The following P2RY14 variants were observed in gnomAD, a reference collection of about 807,000 sequenced individuals.
P2RY14 encodes the protein purinergic receptor P2Y14.
A neutral mutation model predicts 0.9 loss-of-function variants in P2RY14; 2 were observed. The observed-to-expected ratio is 2.16, with a 90% CI of 0.88 to 6.79. The LOEUF (loss-of-function observed/expected upper bound fraction) is 6.79. Ranked by LOEUF, P2RY14 falls within the 30% of genes most tolerant of loss-of-function variation. The pLI, the probability that P2RY14 is intolerant of heterozygous loss-of-function variation, is 0.05. For missense variants in P2RY14, 378 were observed against 400.1 expected (o/e 0.94, Z 0.47); for synonymous variants, 158 against 147.2 (o/e 1.07, Z -0.53).
At chr3:151,233,870 A>G (rs1402552138) in intron 1 of P2RY14, among the ~76,000 whole-genome samples, 1 of 152,172 alleles carries the variant, frequency 6.6e-6, no homozygotes, top group African/African-American at 2.4e-5. Context: ...TGTGTTTTTT[A>G]TTTCCTCCCT....
intron 1 of P2RY14, among the ~76,000 whole-genome samples, chr3:151,231,524 A>G (rs1241388462): frequency 6.6e-6 from 1 of 152,228 alleles, no homozygotes; most frequent in Non-Finnish European, 1.5e-5. Flanking sequence ...AAAAATCTTC[A>G]ATGAGCAATC....
chr3:151,257,056 T>C (rs1331052857), intron 1 of P2RY14, among the ~76,000 whole-genome samples: 4 of 152,224 alleles, frequency 2.6e-5, no homozygotes. Context: ...ACGATACAGC[T>C]GCTTCTGAGA....
chr3:151,260,728 C>T (rs547060223), intron 1 of P2RY14, among the ~76,000 whole-genome samples: 1 of 152,232 alleles, frequency 6.6e-6, no homozygotes, highest in African/African-American at 2.4e-5. Flanking sequence ...GATCACTTTT[C>T]TGAGGTTTGT....
chr3:151,224,135 AT>A (rs11287215), intron 1 of P2RY14, among the ~76,000 whole-genome samples: 47,146 of 152,146 alleles, frequency 0.31, 7,392 homozygotes, highest in Non-Finnish European at 0.33. Context: ...AGAAATATCT[AT>A]GGAGAATGGA....
intron 1 of P2RY14, among the ~76,000 whole-genome samples, chr3:151,226,037 A>G (rs1577030532): frequency 6.6e-6 from 1 of 152,154 alleles, no homozygotes; most frequent in South Asian, 2.1e-4. Context: ...GCCATGCCCT[A>G]TGGAAACACA....
chr3:151,246,443 A>G (rs946029352), intron 1 of P2RY14, among the ~76,000 whole-genome samples: 6 of 152,058 alleles, frequency 3.9e-5, no homozygotes, highest in Non-Finnish European at 5.9e-5. Flanking sequence ...ATGGAACAGA[A>G]CAGAGCCCTC....
intron 1 of P2RY14, among the ~76,000 whole-genome samples, chr3:151,243,665 C>G (rs984931024): frequency 6.6e-6 from 1 of 151,776 alleles, no homozygotes; most frequent in Non-Finnish European, 1.5e-5. Context: ...CAAAATCATG[C>G]CAAAATGTAA....
chr3:151,253,370 G>A (rs573330127), intron 1 of P2RY14, among the ~76,000 whole-genome samples: 1 of 152,356 alleles, frequency 6.6e-6, no homozygotes, highest in African/African-American at 2.4e-5. Flanking sequence ...TGGAGCAACA[G>A]CAGCATAAGA....
At chr3:151,246,551 G>C (rs1577105628) in intron 1 of P2RY14, among the ~76,000 whole-genome samples, 1 of 152,132 alleles carries the variant, frequency 6.6e-6, no homozygotes, top group African/African-American at 2.4e-5. Context: ...ATGGTGCTGG[G>C]AAAACTGGCT....
intron 1 of P2RY14, among the ~76,000 whole-genome samples, chr3:151,219,897 C>T (rs1004173435): frequency 7.3e-6 from 1 of 136,604 alleles, no homozygotes; most frequent in South Asian, 2.8e-4. Context: ...TATTACCCCC[C>T]CCCCCCCCTT....
rs1326480707 is a variant in P2RY14 at position 151,212,404 on chromosome 3, G to T, written c.*896C>A. On this transcript the variant is annotated 3_prime_UTR_variant, in exon 3 of 3. Coordinates refer to ENST00000309170, the MANE Select transcript of P2RY14 (RefSeq NM_014879.4). ...TAAATTTTAGATTTAAAAAAATCAA[G>T]TTTATTTGCTTTCTAAGAAAATGGT... 6.6e-6 allele frequency: 1 copy of T among 152,060 alleles called. No homozygotes were observed. Among genetic ancestry groups the T allele is most frequent in the Non-Finnish European group, 1.5e-5 (1 of 67,996 alleles). 9.4% of individuals were successfully genotyped at this position (152,060 alleles called of 1,614,324 possible).
At chr3:151,263,757 C>G (rs941488646) in intron 1 of P2RY14, among the ~76,000 whole-genome samples, 1 of 106,926 alleles carries the variant, frequency 9.4e-6, no homozygotes, top group Non-Finnish European at 1.9e-5. Context: ...CCTGGATTCC[C>G]GTACCACCCC....
chr3:151,213,753 G>A lies in P2RY14; in HGVS notation c.564C>T (p.Asn188=). 1 of 1,614,148 alleles carries A rather than the reference G, an allele frequency of 6.2e-7. No individual in the cohort carries two copies. The highest frequency in any genetic ancestry group is 1.1e-5 in the South Asian group (1 of 91,080). Residue 188 remains asparagine (N), a synonymous_variant, in exon 3 of 3, where the codon AAC becomes AAT. Coordinates refer to ENST00000309170, the MANE Select transcript of P2RY14 (RefSeq NM_014879.4). Reference sequence around the variant, plus strand: ...TCCAGAAGATGGCCACGAAGATGTAGTTTGATGCTTTGTGCCACTTCCGTC... The same window carrying A: ...TCCAGAAGATGGCCACGAAGATGTAATTTGATGCTTTGTGCCACTTCCGTC... The part of the protein sequence containing the change: ...ELGRKWHKAS[N]YIFVAIFWIV...
chr3:151,219,028 T>G (rs1308658693), intron 2 of P2RY14, among the ~76,000 whole-genome samples: 1 of 152,146 alleles, frequency 6.6e-6, no homozygotes, highest in Non-Finnish European at 1.5e-5. Context: ...TACTGTCACT[T>G]TGGAGACTTT....
rs1228835546 is a variant in P2RY14 at position 151,213,936 on chromosome 3, A to C, written c.381T>G (p.Leu127=). The change falls in exon 3 of 3, where the codon CTT becomes CTG. Residue 127 remains leucine, a synonymous_variant. Transcript: ENST00000309170. ...FDRYYKIVKP[L]WTSFIQSVSY... ...TCACTGACTGGATGAAAGAAGTCCA[A>C]AGAGGCTTTACAATTTTATAATATC... is the stretch of plus-strand genomic sequence containing the variant. 3 of 1,614,056 alleles carry C rather than the reference A, an allele frequency of 1.9e-6. No individual in the cohort carries two copies. Among genetic ancestry groups the C allele is most frequent in the Non-Finnish European group, 1.7e-6 (2 of 1,180,022 alleles).
At chr3:151,275,529 T>A (rs1235556660) in intron 1 of P2RY14, among the ~76,000 whole-genome samples, 4 of 152,212 alleles carry the variant, frequency 2.6e-5, no homozygotes, top group Non-Finnish European at 5.9e-5. Flanking sequence ...TAAAAGCATA[T>A]GACCAGTATT....
intron 1 of P2RY14, among the ~76,000 whole-genome samples, chr3:151,276,517 C>T (rs1278710738): frequency 6.6e-6 from 1 of 152,172 alleles, no homozygotes; most frequent in Non-Finnish European, 1.5e-5. Flanking sequence ...AGAGACTGCT[C>T]ACACTGGGAG....
chr3:151,270,217 G>A (rs1191093239), intron 1 of P2RY14: 6 of 156,432 alleles, frequency 3.8e-5, no homozygotes, highest in African/African-American at 1.5e-4. Context: ...GTGTGTGTGT[G>A]TGTGTGTGTG....
chr3:151,215,508 T>A (rs1433737434), intron 2 of P2RY14, among the ~76,000 whole-genome samples: 2 of 152,110 alleles, frequency 1.3e-5, no homozygotes, highest in Non-Finnish European at 2.9e-5. Context: ...AAATTTTAAA[T>A]TACATATGTG....
Sources: gnomAD v4.1 joint callset for allele counts (sites outside exome capture counted in the v4.1 genomes callset) on GRCh38, gnomAD v4.1.1 for gene constraint, MANE v1.5 for transcripts, NCBI Gene and HGNC (gene_info 2026-07-23, HGNC 2026-07-21) for gene names.